Variants in BAZ1B observed in about 807,000 individuals in gnomAD.
BAZ1B encodes bromodomain adjacent to zinc finger domain 1B, also known as tyrosine-protein kinase BAZ1B.
In BAZ1B, 22 loss-of-function variants were observed where a neutral mutation model predicts 153.8. The observed-to-expected ratio is 0.14, with a 90% CI of 0.10 to 0.20. The LOEUF (loss-of-function observed/expected upper bound fraction) is 0.20, where lower values mean the gene tolerates loss of function less well. BAZ1B is among the 10% of genes least tolerant of loss of function. BAZ1B has a pLI of 1.00. For synonymous variants in BAZ1B, 676 were observed against 633.4 expected (o/e 1.07, Z -1.01); for missense variants, 1,325 against 1,799.3 (o/e 0.74, Z 4.77).
intron 1 of BAZ1B, 75 bp from the exon 2 acceptor site, chr7:73,510,927 A>G: frequency 1.6e-6 from 2 of 1,230,658 alleles, no homozygotes; most frequent in Non-Finnish European, 2.3e-6. Context: ...ATACTTATAT[A>G]CAGAAAAAAA....
chr7:73,473,862 G>A (rs1788904196), intron 7 of BAZ1B, among the ~76,000 whole-genome samples: 2 of 152,190 alleles, frequency 1.3e-5, no homozygotes, highest in Non-Finnish European at 2.9e-5. Flanking sequence ...CTGCTCGGGA[G>A]GCCGAAGTGG....
chr7:73,466,062 CAA>C (rs1788572323), intron 10 of BAZ1B, among the ~76,000 whole-genome samples: 1 of 151,976 alleles, frequency 6.6e-6, no homozygotes. Flanking sequence ...ACATAATATA[CAA>C]AGTTATATTA....
intron 7 of BAZ1B, among the ~76,000 whole-genome samples, chr7:73,472,804 T>C (rs1369705698): frequency 1.3e-5 from 2 of 151,868 alleles, no homozygotes; most frequent in African/African-American, 4.8e-5. Context: ...ATCATCAGGC[T>C]GGAGTGCAGT....
intron 4 of BAZ1B, among the ~76,000 whole-genome samples, chr7:73,498,206 C>A (rs551724681): frequency 6.6e-6 from 1 of 152,256 alleles, no homozygotes; most frequent in South Asian, 2.1e-4. Context: ...ATGATCCACC[C>A]TCCTCAGCCT....
chr7:73,492,377 T>A (rs1359859844), intron 5 of BAZ1B, among the ~76,000 whole-genome samples: 1 of 152,036 alleles, frequency 6.6e-6, no homozygotes, highest in African/African-American at 2.4e-5. Flanking sequence ...TTAGCCGGGA[T>A]GGTCTCGATC....
intron 16 of BAZ1B, among the ~76,000 whole-genome samples, chr7:73,446,722 T>C (rs1286707638): frequency 6.6e-6 from 1 of 152,162 alleles, no homozygotes; most frequent in Non-Finnish European, 1.5e-5. Flanking sequence ...TTTTTCCTAC[T>C]GGCATCTAGT....
intron 3 of BAZ1B, among the ~76,000 whole-genome samples, chr7:73,505,155 A>G (rs1298331350): frequency 6.6e-6 from 1 of 152,198 alleles, no homozygotes; most frequent in Non-Finnish European, 1.5e-5. Flanking sequence ...GCCAAGGTCT[A>G]GCCAATAACA....
intron 4 of BAZ1B, among the ~76,000 whole-genome samples, chr7:73,494,888 C>T (rs1789812803): frequency 6.6e-6 from 1 of 152,152 alleles, no homozygotes; most frequent in Non-Finnish European, 1.5e-5. Context: ...GGTGGATGGA[C>T]GGTGAGCCAA....
chr7:73,467,566 C>T (rs1482220042), intron 9 of BAZ1B, among the ~76,000 whole-genome samples: 8 of 151,996 alleles, frequency 5.3e-5, no homozygotes, highest in Non-Finnish European at 1.2e-4. Context: ...GACGGGGTTT[C>T]GCCATGTTGG....
At chr7:73,465,995 A>T (rs538958490) in intron 10 of BAZ1B, among the ~76,000 whole-genome samples, 1 of 152,244 alleles carries the variant, frequency 6.6e-6, no homozygotes, top group Non-Finnish European at 1.5e-5. Context: ...AAAATCTTAA[A>T]TACTTCTATT....
At chr7:73,446,101 C>G (rs782199754) in intron 16 of BAZ1B, among the ~76,000 whole-genome samples, 1 of 152,128 alleles carries the variant, frequency 6.6e-6, no homozygotes, top group African/African-American at 2.4e-5. Context: ...CAGGAGAAGA[C>G]GGGCAAGCCC....
intron 13 of BAZ1B, among the ~76,000 whole-genome samples, chr7:73,451,770 C>T (rs1788033490): frequency 6.6e-6 from 1 of 152,240 alleles, no homozygotes; most frequent in Non-Finnish European, 1.5e-5. Flanking sequence ...TTTTGCAGAG[C>T]TCCTCAGTAA....
At chr7:73,505,740 A>G (rs1790311703) in intron 3 of BAZ1B, among the ~76,000 whole-genome samples, 2 of 152,114 alleles carry the variant, frequency 1.3e-5, no homozygotes, top group Non-Finnish European at 2.9e-5. Context: ...TTGGAGAGAT[A>G]GGGTATCGCC....
chr7:73,442,287 C>T lies in BAZ1B; in HGVS notation c.4361G>A (p.Arg1454His), dbSNP rs565295237. ...AGCAAGCCTATCAGGAAACTTCTTGCGCTTCCTGCGGACATATGGGTGGCC... is the reference window on the plus strand; with the variant it reads ...AGCAAGCCTATCAGGAAACTTCTTGTGCTTCCTGCGGACATATGGGTGGCC... ...LPGHPYVRRK[R>H]KKFPDRLAED... Residue 1454 changes from arginine (R) to histidine (H), a missense_variant, in exon 19 of 20, where the codon CGC (arginine) becomes CAC (histidine). Arg to His is a conservative substitution (Grantham distance 29). Around this residue, in one of 9 missense-constraint regions of BAZ1B, gnomAD observed 271 missense variants for 337.2 expected, o/e 0.80. Coordinates refer to ENST00000339594, the MANE Select transcript of BAZ1B (RefSeq NM_032408.4). 53 of 1,614,162 alleles carry T rather than the reference C, an allele frequency of 3.3e-5. 1 individual carries two copies. The South Asian group carries it at 4.5e-4, about 14-fold the overall frequency.
chr7:73,509,473 A>T (rs1456191313), intron 2 of BAZ1B, among the ~76,000 whole-genome samples: 1 of 152,164 alleles, frequency 6.6e-6, no homozygotes, highest in Non-Finnish European at 1.5e-5. Flanking sequence ...GGGTCCCAGC[A>T]CTTTGAAAGG....
rs781876065 is a variant in BAZ1B, at chr7:73,521,967, G to A, written c.-34C>T. ...CGGCGGTGGGGACTGGCGGCTGCTG[G>A]GGCCGGCCCCGCGGCGCAGCACTAG... On this transcript the variant is annotated 5_prime_UTR_variant, in exon 1 of 20. Transcript: ENST00000339594. 6.0e-5 allele frequency: 83 copies of A among 1,383,516 alleles called. No individual in the cohort carries two copies. Among genetic ancestry groups the A allele is most frequent in the Middle Eastern group, 4.3e-4 (2 of 4,662 alleles). 85.7% of individuals were successfully genotyped at this position (1,383,516 alleles called of 1,614,324 possible).
At chr7:73,511,864 T>TAA (rs1790591996) in intron 1 of BAZ1B, among the ~76,000 whole-genome samples, 2 of 118,406 alleles carry the variant, frequency 1.7e-5, no homozygotes, top group Non-Finnish European at 3.6e-5. Flanking sequence ...CTACTAAAAA[T>TAA]CAAAAAAAAA....
At chr7:73,497,587 A>T (rs1448676713) in intron 4 of BAZ1B, among the ~76,000 whole-genome samples, 1 of 152,038 alleles carries the variant, frequency 6.6e-6, no homozygotes, top group Non-Finnish European at 1.5e-5. Context: ...CTTTTTTTAC[A>T]ATATTTCTAG....
At chr7:73,503,766 C>T (rs1363117829) in intron 3 of BAZ1B, among the ~76,000 whole-genome samples, 1 of 152,174 alleles carries the variant, frequency 6.6e-6, no homozygotes, top group Non-Finnish European at 1.5e-5. Context: ...TCCTTCTCTA[C>T]CTGGCTCTAT....
Sources: gnomAD v4.1 joint callset for allele counts (sites outside exome capture counted in the v4.1 genomes callset) on GRCh38, gnomAD v4.1.1 for gene constraint, gnomAD v4.1.1 regional missense constraint, MANE v1.5 for transcripts, NCBI Gene and HGNC (gene_info 2026-07-23, HGNC 2026-07-21) for gene names.